The following PREX2 variants were observed in gnomAD, a reference collection of about 807,000 sequenced individuals.
PREX2 encodes the protein phosphatidylinositol 3,4,5-trisphosphate-dependent Rac exchanger 2 protein.
In PREX2, 107 loss-of-function variants were observed where a neutral mutation model predicts 203.2. That is an observed-to-expected ratio of 0.53 (90% CI 0.45 to 0.62). The LOEUF (loss-of-function observed/expected upper bound fraction) is 0.62. Ranked by LOEUF, PREX2 falls within the 20% of genes least tolerant of loss-of-function variation. The pLI is 0.00. For synonymous variants in PREX2, 672 were observed against 663.6 expected, an observed-to-expected ratio of 1.01 and a Z score of -0.19; for missense variants, 1,777 against 1,955.9, an observed-to-expected ratio of 0.91 and a Z score of 1.72.
chr8:68,083,396 G>T lies in PREX2; in HGVS notation c.2027+8G>T, dbSNP rs1322534112. On this transcript the variant is annotated splice_region_variant and intron_variant, in intron 18 of 39. Transcript: ENST00000288368. ...GAGCACAAAGCCAAGAGAGTAAGTTGTATGATTTATGTGTGATTTTTTAAA... is the reference window on the plus strand; with the variant it reads ...GAGCACAAAGCCAAGAGAGTAAGTTTTATGATTTATGTGTGATTTTTTAAA... The T allele has an allele frequency of 1.9e-6, 3 of 1,594,716 alleles. No individual in the cohort carries two copies. The highest frequency in any genetic ancestry group is 4.5e-5 in the East Asian group (2 of 44,686).
At chr8:68,024,331 C>A (rs925425441) in intron 4 of PREX2, among the ~76,000 whole-genome samples, 2 of 151,884 alleles carry the variant, frequency 1.3e-5, no homozygotes, top group African/African-American at 4.8e-5. Flanking sequence ...TTAACTCTGT[C>A]CATTTTTGTT....
At chr8:68,168,544 A>G (rs1159503096) in intron 35 of PREX2, among the ~76,000 whole-genome samples, 1 of 152,220 alleles carries the variant, frequency 6.6e-6, no homozygotes, top group Non-Finnish European at 1.5e-5. Flanking sequence ...CCTGCTGTAT[A>G]TCCTCCTTGT....
intron 1 of PREX2, among the ~76,000 whole-genome samples, chr8:67,998,642 C>T (rs1002094308): frequency 6.6e-6 from 1 of 152,094 alleles, no homozygotes; most frequent in African/African-American, 2.4e-5. Flanking sequence ...GTGGTGCATA[C>T]CTATAGTACT....
At chr8:68,004,583 C>A (rs145797980) in intron 1 of PREX2, among the ~76,000 whole-genome samples, 1 of 152,182 alleles carries the variant, frequency 6.6e-6, no homozygotes, top group Admixed American at 6.5e-5. Flanking sequence ...TCAAATGATA[C>A]GAAACATTCT....
intron 1 of PREX2, among the ~76,000 whole-genome samples, chr8:67,979,986 A>G (rs533345971): frequency 1.3e-5 from 2 of 152,302 alleles, no homozygotes; most frequent in East Asian, 1.9e-4. Context: ...AGACAAGCAA[A>G]CTAGGTTCAG....
At chr8:68,041,367 T>A (rs1210055938) in intron 7 of PREX2, among the ~76,000 whole-genome samples, 1 of 152,070 alleles carries the variant, frequency 6.6e-6, no homozygotes, top group Non-Finnish European at 1.5e-5. Flanking sequence ...TTAGCAAACA[T>A]TTGGTAGCTA....
intron 11 of PREX2, among the ~76,000 whole-genome samples, chr8:68,065,951 T>G (rs570110446): frequency 1.3e-5 from 2 of 152,316 alleles, no homozygotes; most frequent in South Asian, 4.1e-4. Context: ...TACAACATGT[T>G]TTGAAATATG....
chr8:68,057,003 C>A (rs1808697835), intron 10 of PREX2, among the ~76,000 whole-genome samples: 1 of 152,092 alleles, frequency 6.6e-6, no homozygotes, highest in Non-Finnish European at 1.5e-5. Flanking sequence ...CCTCTGCCTC[C>A]CTCATATGGT....
At chr8:68,109,275 T>C (rs1024625596) in intron 24 of PREX2, 141 bp from the exon 25 acceptor site, 13 of 631,894 alleles carry the variant, frequency 2.1e-5, no homozygotes, top group Admixed American at 6.0e-5. Flanking sequence ...ATAATGCATA[T>C]ATACGTCAAA....
intron 37 of PREX2, among the ~76,000 whole-genome samples, chr8:68,194,645 A>G (rs939126865): frequency 6.7e-6 from 1 of 149,896 alleles, no homozygotes; most frequent in African/African-American, 2.5e-5. Context: ...AAAAAAAAAT[A>G]CAAAAATTAG....
intron 31 of PREX2, among the ~76,000 whole-genome samples, chr8:68,129,421 G>GGAT (rs1387098976): frequency 2.0e-5 from 3 of 151,948 alleles, no homozygotes; most frequent in Non-Finnish European, 4.4e-5. Context: ...CTTCTATATA[G>GGAT]GATGACACCA....
In PREX2 at chr8:68,099,837, T is replaced by C. The variant is rs953137617; in HGVS notation, c.2709T>C (p.Tyr903=). ...IEHLCQRISS[Y]KKFSRVLKNR... is the part of the protein sequence containing the mutation. ...ACCTATGTCAGAGAATATCCAGTTA[T>C]AAAAAGGTAAGTGTTCTATTGATTT... Residue 903 remains tyrosine (Y), a synonymous_variant, in exon 23 of 40, where the codon TAT becomes TAC. Coordinates refer to ENST00000288368, the MANE Select transcript of PREX2 (RefSeq NM_024870.4). 1 of 1,608,666 alleles carries C rather than the reference T, an allele frequency of 6.2e-7. No individual in the cohort carries two copies. Among genetic ancestry groups the C allele is most frequent in the African/African-American group, 1.3e-5 (1 of 74,924 alleles).
chr8:68,127,988 A>C (rs183900809), intron 31 of PREX2, among the ~76,000 whole-genome samples: 1 of 152,188 alleles, frequency 6.6e-6, no homozygotes, highest in Non-Finnish European at 1.5e-5. Flanking sequence ...GCATATAGAT[A>C]TTCAACAAAT....
At chr8:68,022,173 A>G (rs565403767) in intron 4 of PREX2, 33 bp downstream of exon 4, 3 of 1,049,564 alleles carry the variant, frequency 2.9e-6, no homozygotes, top group Non-Finnish European at 4.5e-6. Flanking sequence ...CTGTATGTTG[A>G]TATGTGTTGC....
At position 68,109,637 on chromosome 8, in the gene PREX2, A is replaced by G; in HGVS notation, c.3146+14A>G. 2.5e-6 allele frequency: 4 copies of G among 1,603,196 alleles called. No homozygotes were observed. Among genetic ancestry groups the G allele is most frequent in the Non-Finnish European group, 3.4e-6 (4 of 1,171,770 alleles). On this transcript the variant is annotated intron_variant, in intron 25 of 39. Coordinates refer to ENST00000288368, the MANE Select transcript of PREX2 (RefSeq NM_024870.4). The stretch of plus-strand genomic sequence containing the variant: ...TCAAATAGATGAGTAAGTGTTTTGT[A>G]CTACACTTTTAAGTTTGCCAAATAA...
intron 1 of PREX2, among the ~76,000 whole-genome samples, chr8:67,975,717 T>C (rs1333104980): frequency 7.3e-6 from 1 of 136,704 alleles, no homozygotes; most frequent in Non-Finnish European, 1.6e-5. Context: ...TTTTTTTTTT[T>C]TTTTGAGATG....
In PREX2 at chr8:68,135,250, A is replaced by G. The variant is rs901541916; in HGVS notation, c.3984+974A>G. Among the ~76,000 whole-genome samples the G allele has an allele frequency of 3.9e-5, 6 of 152,126 alleles. No individual in the cohort carries two copies. The South Asian group carries it at 1.2e-3, about 32-fold the overall frequency. Reference sequence around the variant, plus strand: ...CTATTTTCCTTACTTTTAAACTGCCATTGTCTAATCAAGTGCCGGTGCTTT... The same window carrying G: ...CTATTTTCCTTACTTTTAAACTGCCGTTGTCTAATCAAGTGCCGGTGCTTT... On this transcript the variant is annotated intron_variant, in intron 32 of 39. Transcript: ENST00000288368.
intron 37 of PREX2, among the ~76,000 whole-genome samples, chr8:68,200,099 G>A (rs1222769613): frequency 6.6e-6 from 1 of 152,154 alleles, no homozygotes; most frequent in Non-Finnish European, 1.5e-5. Context: ...CCAGTAACAA[G>A]ATTAGAGGAG....
intron 5 of PREX2, among the ~76,000 whole-genome samples, chr8:68,029,626 C>A (rs953417472): frequency 6.6e-6 from 1 of 152,078 alleles, no homozygotes; most frequent in Non-Finnish European, 1.5e-5. Context: ...TCAAGACTTG[C>A]CTCAGGATTT....
Sources: allele counts gnomAD v4.1 joint callset (sites outside exome capture counted in the v4.1 genomes callset), GRCh38; gene constraint gnomAD v4.1.1; transcripts MANE v1.5; gene names NCBI Gene and HGNC (gene_info 2026-07-23, HGNC 2026-07-21).